The following TMTC2 variants were observed in gnomAD, a reference collection of about 807,000 sequenced individuals.
TMTC2 encodes the protein protein O-mannosyl-transferase TMTC2.
In TMTC2, 43 loss-of-function variants were observed where a neutral mutation model predicts 82.4. The ratio of observed to expected loss-of-function variants is 0.52; its 90% CI spans 0.41 to 0.67. The LOEUF is 0.67. TMTC2 is among the 30% of genes least tolerant of loss of function. The probability of loss-of-function intolerance (pLI) is 0.00; values close to 1 mark genes in which losing one functional copy is unlikely to be tolerated. For synonymous variants in TMTC2, 408 were observed against 381.9 expected (o/e 1.07, Z -0.80); for missense variants, 919 against 1,012.4 (o/e 0.91, Z 1.25).
intron 1 of TMTC2, among the ~76,000 whole-genome samples, chr12:82,733,547 A>G (rs904362753): frequency 1.3e-5 from 2 of 152,206 alleles, no homozygotes; most frequent in Admixed American, 6.5e-5. Flanking sequence ...CTAGATGATT[A>G]ATTTTACTTC....
intron 1 of TMTC2, among the ~76,000 whole-genome samples, chr12:82,719,085 A>ATATATATATTT (rs1282211374): frequency 2.4e-5 from 1 of 41,406 alleles, no homozygotes; most frequent in African/African-American, 1.2e-4. Flanking sequence ...ATATATATAT[A>ATATATATATTT]TTTTTTTTTT....
Position 83,002,133 on chromosome 12 carries a change from T to A in TMTC2, c.2070+16087T>A, listed in dbSNP as rs377749101. Among the ~76,000 whole-genome samples the A allele has an allele frequency of 3.8e-4, 58 of 152,314 alleles. No individual in the cohort carries two copies. The South Asian group carries it at 0.012, about 31-fold the overall frequency. Reference sequence around the variant, plus strand: ...ATCTTTTTTGGTGGTTAGGTTTTTTTATTACTGATTCAATTTCAAAACTCA... The same window carrying A: ...ATCTTTTTTGGTGGTTAGGTTTTTTAATTACTGATTCAATTTCAAAACTCA... On this transcript the variant is annotated intron_variant, in intron 8 of 11. Transcript: ENST00000321196.
chr12:82,889,510 C>T (rs1873287049), intron 2 of TMTC2, among the ~76,000 whole-genome samples: 1 of 151,934 alleles, frequency 6.6e-6, no homozygotes, highest in Non-Finnish European at 1.5e-5. Flanking sequence ...ATGTACTCAT[C>T]TCCCTACACT....
intron 4 of TMTC2, among the ~76,000 whole-genome samples, chr12:82,950,156 G>T (rs1490733283): frequency 1.3e-5 from 2 of 152,090 alleles, no homozygotes; most frequent in Non-Finnish European, 2.9e-5. Flanking sequence ...ATCTCATCTT[G>T]AGTCTTGACA....
chr12:82,743,466 AAG>A (rs2136956451), intron 1 of TMTC2, among the ~76,000 whole-genome samples: 1 of 152,072 alleles, frequency 6.6e-6, no homozygotes, highest in East Asian at 1.9e-4. Flanking sequence ...AAAAAAGAAA[AAG>A]CAGATATATG....
At chr12:82,702,772 A>G (rs1312596094) in intron 1 of TMTC2, among the ~76,000 whole-genome samples, 1 of 152,126 alleles carries the variant, frequency 6.6e-6, no homozygotes, top group Non-Finnish European at 1.5e-5. Context: ...ACAAAAAATA[A>G]AATAGCTGAG....
intron 11 of TMTC2, among the ~76,000 whole-genome samples, chr12:83,116,400 A>G (rs1884763661): frequency 6.6e-6 from 1 of 152,216 alleles, no homozygotes. Flanking sequence ...GTAAACATGC[A>G]TGTGCAAGTA....
intron 1 of TMTC2, among the ~76,000 whole-genome samples, chr12:82,816,805 T>C (rs556828483): frequency 7.2e-4 from 109 of 152,222 alleles, no homozygotes; most frequent in Non-Finnish European, 1.1e-3. Flanking sequence ...AAAGATTCTA[T>C]GTTAGAAGGA....
At chr12:82,923,883 A>G (rs760251496) in intron 3 of TMTC2, among the ~76,000 whole-genome samples, 2 of 152,200 alleles carry the variant, frequency 1.3e-5, no homozygotes, top group Non-Finnish European at 2.9e-5. Context: ...CCAGGTAGTC[A>G]GAAAGGTCAG....
chr12:82,793,002 T>C (rs1304538758), intron 1 of TMTC2, among the ~76,000 whole-genome samples: 1 of 152,146 alleles, frequency 6.6e-6, no homozygotes, highest in African/African-American at 2.4e-5. Flanking sequence ...TCCTCTGAGA[T>C]TTCTTAAAGT....
At chr12:82,996,564 A>G (rs1351449315) in intron 8 of TMTC2, among the ~76,000 whole-genome samples, 2 of 152,350 alleles carry the variant, frequency 1.3e-5, no homozygotes, top group Admixed American at 6.5e-5. Context: ...CTGCATGGCA[A>G]TAACAGTACC....
intron 1 of TMTC2, among the ~76,000 whole-genome samples, chr12:82,833,928 A>G (rs1869888747): frequency 6.6e-6 from 1 of 152,212 alleles, no homozygotes; most frequent in South Asian, 2.1e-4. Context: ...CTTTAAAATG[A>G]TTTTCAAAAC....
intron 10 of TMTC2, among the ~76,000 whole-genome samples, chr12:83,057,905 AAAG>A (rs1308717647): frequency 6.6e-6 from 1 of 151,914 alleles, no homozygotes; most frequent in East Asian, 1.9e-4. Flanking sequence ...TTATATTTCT[AAAG>A]AAGAAATTTT....
intron 4 of TMTC2, among the ~76,000 whole-genome samples, chr12:82,935,432 A>G (rs1408009054): frequency 4.6e-5 from 7 of 152,154 alleles, no homozygotes; most frequent in South Asian, 2.1e-4. Context: ...ACAGATTTGC[A>G]TTATGATGTT....
At chr12:83,015,999 A>G (rs1045955041) in intron 8 of TMTC2, among the ~76,000 whole-genome samples, 5 of 152,212 alleles carry the variant, frequency 3.3e-5, no homozygotes, top group African/African-American at 1.2e-4. Flanking sequence ...AGTATTGCTT[A>G]CTAAACATTG....
intron 7 of TMTC2, among the ~76,000 whole-genome samples, chr12:82,981,104 T>C (rs950112983): frequency 1.3e-5 from 2 of 151,892 alleles, no homozygotes; most frequent in Non-Finnish European, 2.9e-5. Flanking sequence ...AAGATATATG[T>C]TCAAGAGTTT....
At chr12:82,961,192 C>CTATTAT (rs139490507) in intron 4 of TMTC2, among the ~76,000 whole-genome samples, 73 of 146,250 alleles carry the variant, frequency 5.0e-4, no homozygotes, top group African/African-American at 1.4e-3. Context: ...TTCTCTGCCA[C>CTATTAT]TATTATTATT....
chr12:83,007,178 C>T (rs1880244413), intron 8 of TMTC2, among the ~76,000 whole-genome samples: 1 of 150,304 alleles, frequency 6.7e-6, no homozygotes, highest in Non-Finnish European at 1.5e-5. Context: ...TTTTTCTATT[C>T]TCTCTTTCAT....
At chr12:83,124,610 G>A (rs1885051262) in intron 11 of TMTC2, among the ~76,000 whole-genome samples, 1 of 150,556 alleles carries the variant, frequency 6.6e-6, no homozygotes, top group Non-Finnish European at 1.5e-5. Flanking sequence ...GAGGGTGGAA[G>A]AAGGACTTTG....
Sources: allele counts gnomAD v4.1 joint callset (sites outside exome capture counted in the v4.1 genomes callset), GRCh38; gene constraint gnomAD v4.1.1; transcripts MANE v1.5; gene names NCBI Gene and HGNC (gene_info 2026-07-23, HGNC 2026-07-21).